LINGO2: variants seen among roughly 807,000 people sequenced by gnomAD.
The protein encoded by LINGO2 is leucine rich repeat and Ig domain containing 2.
LINGO2 carries 14 observed loss-of-function variants against 30.6 expected under a neutral mutation model. The observed-to-expected ratio is 0.46, with a 90% CI of 0.30 to 0.72. The LOEUF is 0.72. Ranked by LOEUF, LINGO2 falls within the 30% of genes least tolerant of loss-of-function variation. The probability of loss-of-function intolerance (pLI) is 0.07; values close to 1 mark genes in which losing one functional copy is unlikely to be tolerated. For missense variants in LINGO2, 729 were observed against 751.7 expected, an observed-to-expected ratio of 0.97 and a Z score of 0.35; for synonymous variants, 317 against 288.5, an observed-to-expected ratio of 1.10 and a Z score of -1.00.
At chr9:28,572,763 G>A (rs970251893) in intron 1 of LINGO2, among the ~76,000 whole-genome samples, 1 of 152,042 alleles carries the variant, frequency 6.6e-6, no homozygotes, top group Non-Finnish European at 1.5e-5. Context: ...GCGTATATTA[G>A]ACTCATATCT....
the LINGO2 span, among the ~76,000 whole-genome samples, chr9:28,860,212 A>C: frequency 1.3e-5 from 2 of 152,116 alleles, no homozygotes; most frequent in Non-Finnish European, 2.9e-5. Context: ...GATTAATTTT[A>C]TTTGTCAACG....
the LINGO2 span, among the ~76,000 whole-genome samples, chr9:28,977,468 A>G: frequency 1.3e-5 from 2 of 152,122 alleles, no homozygotes; most frequent in Non-Finnish European, 2.9e-5. Flanking sequence ...GAAAGCATAA[A>G]GTGATTTTTA....
chr9:28,464,270 CCT>C (rs1206152592), intron 2 of LINGO2, among the ~76,000 whole-genome samples: 3 of 152,198 alleles, frequency 2.0e-5, no homozygotes, highest in Middle Eastern at 3.4e-3. Flanking sequence ...TTGTTATCTC[CCT>C]GTTTATCTGC....
the LINGO2 span, chr9:27,941,780 C>T: frequency 6.6e-6 from 1 of 152,190 alleles, no homozygotes; most frequent in Non-Finnish European, 1.5e-5. Flanking sequence ...CAATTCATTT[C>T]CTCTTTAACA....
chr9:28,017,440 C>G (rs1587698037), intron 4 of LINGO2, among the ~76,000 whole-genome samples: 1 of 152,178 alleles, frequency 6.6e-6, no homozygotes, highest in Non-Finnish European at 1.5e-5. Flanking sequence ...CTAGAAAATC[C>G]CATAGTGTCT....
intron 3 of LINGO2, among the ~76,000 whole-genome samples, chr9:28,335,701 A>G (rs1250354853): frequency 6.6e-6 from 1 of 152,216 alleles, no homozygotes; most frequent in African/African-American, 2.4e-5. Flanking sequence ...TAGTAAAACA[A>G]AACAATAAAG....
chr9:28,743,259 C>T, the LINGO2 span, among the ~76,000 whole-genome samples: 25 of 152,038 alleles, frequency 1.6e-4, no homozygotes, highest in Admixed American at 5.9e-4. Context: ...TAGGTATACA[C>T]GTGCCGTGGT....
At chr9:28,430,379 C>A (rs1045174714) in intron 2 of LINGO2, among the ~76,000 whole-genome samples, 5 of 152,090 alleles carry the variant, frequency 3.3e-5, no homozygotes, top group African/African-American at 1.2e-4. Flanking sequence ...GTATAGCATC[C>A]TATGCTCTGT....
chr9:27,993,008 G>A (rs964406805), intron 5 of LINGO2, among the ~76,000 whole-genome samples: 2 of 151,966 alleles, frequency 1.3e-5, no homozygotes, highest in African/African-American at 2.4e-5. Context: ...TCATTAGATG[G>A]GAAATCAACT....
At chr9:28,467,045 G>A (rs1247058607) in intron 2 of LINGO2, among the ~76,000 whole-genome samples, 1 of 149,980 alleles carries the variant, frequency 6.7e-6, no homozygotes, top group Non-Finnish European at 1.5e-5. Context: ...TGGGGGGGGG[G>A]GACGGAGTCT....
At chr9:28,944,213 AG>A in the LINGO2 span, among the ~76,000 whole-genome samples, 1 of 152,196 alleles carries the variant, frequency 6.6e-6, no homozygotes, top group Non-Finnish European at 1.5e-5. Flanking sequence ...AAGTTAGTCA[AG>A]GAAGAAAGAG....
At chr9:28,120,501 C>A (rs764456764) in intron 4 of LINGO2, among the ~76,000 whole-genome samples, 30 of 152,204 alleles carry the variant, frequency 2.0e-4, no homozygotes, top group Non-Finnish European at 3.5e-4. Context: ...CTTGGTAACA[C>A]TGCATTTGTT....
At chr9:28,989,129 C>T in the LINGO2 span, among the ~76,000 whole-genome samples, 1 of 152,164 alleles carries the variant, frequency 6.6e-6, no homozygotes, top group Non-Finnish European at 1.5e-5. Flanking sequence ...ATTTTCACCA[C>T]CAGTACCTTC....
chr9:29,149,377 C>T, the LINGO2 span, among the ~76,000 whole-genome samples: 2,911 of 151,930 alleles, frequency 0.019, 25 homozygotes, highest in South Asian at 0.051. Flanking sequence ...CCAGGAAGTG[C>T]CCCTCCCACA....
the LINGO2 span, among the ~76,000 whole-genome samples, chr9:28,836,846 G>A: frequency 4.0e-5 from 6 of 151,668 alleles, no homozygotes; most frequent in East Asian, 9.7e-4. Context: ...AAACAAATAA[G>A]TAAGAAAAAA....
At chr9:28,933,150 G>A in the LINGO2 span, among the ~76,000 whole-genome samples, 963 of 151,866 alleles carry the variant, frequency 6.3e-3, 6 homozygotes, top group Non-Finnish European at 9.1e-3. Context: ...TATGTGATCT[G>A]CCCACCTCAG....
At chr9:28,276,088 C>G (rs1823105185) in intron 4 of LINGO2, among the ~76,000 whole-genome samples, 1 of 152,012 alleles carries the variant, frequency 6.6e-6, no homozygotes, top group Non-Finnish European at 1.5e-5. Flanking sequence ...TGCAAAGTAC[C>G]CACTGCTTGG....
At chr9:28,189,903 G>T (rs1243087505) in intron 4 of LINGO2, among the ~76,000 whole-genome samples, 1 of 151,994 alleles carries the variant, frequency 6.6e-6, no homozygotes, top group Non-Finnish European at 1.5e-5. Flanking sequence ...GGTACTGATG[G>T]AGAAGAGAGA....
the LINGO2 span, among the ~76,000 whole-genome samples, chr9:28,731,651 C>G: frequency 6.6e-6 from 1 of 151,996 alleles, no homozygotes; most frequent in Non-Finnish European, 1.5e-5. Flanking sequence ...AGCTGCTGTT[C>G]TGTTTGTTGA....
Sources: allele counts gnomAD v4.1 joint callset (sites outside exome capture counted in the v4.1 genomes callset), GRCh38; gene constraint gnomAD v4.1.1; transcripts MANE v1.5; gene names NCBI Gene and HGNC (gene_info 2026-07-23, HGNC 2026-07-21).